Variants in GFOD1 observed in about 807,000 individuals in gnomAD.
GFOD1 encodes Gfo/Idh/MocA-like oxidoreductase domain containing 1, also known as glucose-fructose oxidoreductase domain-containing protein 1.
Under a neutral mutation model 25.4 loss-of-function variants are expected in GFOD1, and 9 were observed. That is an observed-to-expected ratio of 0.35 (90% CI 0.21 to 0.62). The LOEUF is 0.62. Among genes scored for constraint, GFOD1 ranks in the 20% least tolerant of loss-of-function variants. The probability of loss-of-function intolerance (pLI) is 0.72; values close to 1 mark genes in which losing one functional copy is unlikely to be tolerated. For synonymous variants in GFOD1, 253 were observed against 245.6 expected (o/e 1.03, Z -0.28); for missense variants, 403 against 556.9 (o/e 0.72, Z 2.78).
At chr6:13,476,898 G>C (rs902387508) in intron 1 of GFOD1, among the ~76,000 whole-genome samples, 2 of 152,114 alleles carry the variant, frequency 1.3e-5, no homozygotes, top group East Asian at 3.8e-4. Flanking sequence ...ACCTGTAGAC[G>C]GGTATAGAAT....
chr6:13,373,084 T>A (rs1163249552), intron 1 of GFOD1, among the ~76,000 whole-genome samples: 2 of 152,236 alleles, frequency 1.3e-5, no homozygotes, highest in East Asian at 1.9e-4. Context: ...CTTCAACATT[T>A]CTGTGCTAGG....
chr6:13,416,311 GGACTAATACAGGGA>G (rs1461321025), intron 1 of GFOD1, among the ~76,000 whole-genome samples: 1 of 152,158 alleles, frequency 6.6e-6, no homozygotes, highest in Non-Finnish European at 1.5e-5. Context: ...GTGTGAAAAT[GGACTAATACAGGGA>G]GACAGCCAGA....
At chr6:13,415,823 TG>T (rs1420486885) in intron 1 of GFOD1, among the ~76,000 whole-genome samples, 3 of 152,234 alleles carry the variant, frequency 2.0e-5, no homozygotes, top group African/African-American at 7.2e-5. Flanking sequence ...TGGTGACTGG[TG>T]TCTAGTTTTC....
Position 13,384,172 on chromosome 6 carries a change from G to A in GFOD1, c.254-18510C>T, listed in dbSNP as rs543422416. On this transcript the variant is annotated intron_variant, in intron 1 of 1. Transcript: ENST00000379287. ...AACCCGGGGATGGAGGTTGCAGTGA[G>A]CCGAGATCACGCCACTTCACTCCAG... Among the ~76,000 whole-genome samples the A allele has an allele frequency of 2.5e-4, 38 of 152,304 alleles. 1 individual carries two copies. Among genetic ancestry groups the A allele is most frequent in the African/African-American group, 7.5e-4 (31 of 41,560 alleles).
chr6:13,417,500 T>G (rs1383773676), intron 1 of GFOD1, among the ~76,000 whole-genome samples: 1 of 152,194 alleles, frequency 6.6e-6, no homozygotes, highest in African/African-American at 2.4e-5. Flanking sequence ...AACCTGACAA[T>G]TGCTAAATGA....
At chr6:13,420,198 G>T (rs1337219150) in intron 1 of GFOD1, among the ~76,000 whole-genome samples, 1 of 152,186 alleles carries the variant, frequency 6.6e-6, no homozygotes, top group Non-Finnish European at 1.5e-5. Flanking sequence ...AAGCCAGTGG[G>T]CCCTCTAGTT....
intron 1 of GFOD1, among the ~76,000 whole-genome samples, chr6:13,484,471 G>T (rs1758821696): frequency 6.6e-6 from 1 of 152,000 alleles, no homozygotes; most frequent in Admixed American, 6.6e-5. Context: ...CACTCGCAGG[G>T]GCACCCTGCA....
intron 1 of GFOD1, among the ~76,000 whole-genome samples, chr6:13,408,676 C>A (rs193218350): frequency 7.2e-5 from 11 of 152,146 alleles, no homozygotes; most frequent in African/African-American, 7.2e-5. Context: ...TCTGTGCTCA[C>A]CCGGGTAACA....
In GFOD1 at chr6:13,433,908, G is replaced by A. The variant is rs568892685; in HGVS notation, c.253+52730C>T. On this transcript the variant is annotated intron_variant, in intron 1 of 1. Coordinates refer to ENST00000379287, the MANE Select transcript of GFOD1 (RefSeq NM_018988.4). ...ATCACCTGTTCCAGTTCCCAAAGGC[G>A]CTTATCTGCAGACTATCGTCTCAAC... Among the ~76,000 whole-genome samples the A allele has an allele frequency of 3.0e-4, 45 of 152,306 alleles. No homozygotes were observed. In the South Asian group the frequency reaches 7.3e-3, roughly 25 times the overall value.
chr6:13,409,353 GAGAA>G (rs1305443582), intron 1 of GFOD1, among the ~76,000 whole-genome samples: 1 of 117,242 alleles, frequency 8.5e-6, no homozygotes, highest in Non-Finnish European at 1.8e-5. Context: ...GAGAGAAAGA[GAGAA>G]AGAGACAGAG....
chr6:13,412,360 T>C (rs1218498164), intron 1 of GFOD1, among the ~76,000 whole-genome samples: 1 of 152,158 alleles, frequency 6.6e-6, no homozygotes, highest in African/African-American at 2.4e-5. Flanking sequence ...AGACACCACC[T>C]ACAAGGCAAC....
intron 1 of GFOD1, among the ~76,000 whole-genome samples, chr6:13,475,706 A>T (rs1758607062): frequency 6.7e-6 from 1 of 148,772 alleles, no homozygotes; most frequent in African/African-American, 2.5e-5. Flanking sequence ...TGACAGTGCA[A>T]GACTCCATCT....
rs943418611 is a variant in GFOD1 at position 13,397,418 on chromosome 6, G to A, written c.254-31756C>T. Among the ~76,000 whole-genome samples, 7 of 152,322 alleles carry A rather than the reference G, an allele frequency of 4.6e-5. No individual in the cohort carries two copies. In the South Asian group the frequency reaches 6.2e-4, roughly 14 times the overall value. On this transcript the variant is annotated intron_variant, in intron 1 of 1. Transcript: ENST00000379287. ...CCCTTGTCTCTCCATCTGAGGACTC[G>A]GGCCTGCCGTGAGAAAGTGATCTGC...
At chr6:13,463,408 G>A (rs548094768) in intron 1 of GFOD1, among the ~76,000 whole-genome samples, 1 of 152,206 alleles carries the variant, frequency 6.6e-6, no homozygotes, top group Non-Finnish European at 1.5e-5. Context: ...ATTCACACTG[G>A]CCTCAGTTCA....
chr6:13,365,480 A>T lies in GFOD1; in HGVS notation c.436T>A (p.Cys146Ser). The change falls in exon 2 of 2, where the codon TGT becomes AGT. Residue 146 changes from cysteine to serine, a missense_variant. Physicochemically the swap from Cys to Ser is moderately radical, Grantham distance 112. Transcript: ENST00000379287. The surrounding 1 kb of genome is among the most constrained non-coding windows in gnomAD (Gnocchi z 9.2). The part of the protein sequence containing the change: ...EEGYVGEPLV[C>S]EVQVHGGSLL... ...CTGCCGCCGTGCACCTGCACCTCAC[A>T]CACCAGCGGCTCGCCCACGTAGCCC... 5 of 1,613,668 alleles carry T rather than the reference A, an allele frequency of 3.1e-6. No homozygotes were observed. The highest frequency in any genetic ancestry group is 4.2e-6 in the Non-Finnish European group (5 of 1,180,002).
rs1186075531 is a variant in GFOD1 at position 13,408,780 on chromosome 6, G to A, written c.254-43118C>T. Among the ~76,000 whole-genome samples the A allele has an allele frequency of 2.0e-5, 3 of 152,076 alleles. No individual in the cohort carries two copies. In the East Asian group the frequency reaches 5.8e-4, roughly 29 times the overall value. On this transcript the variant is annotated intron_variant, in intron 1 of 1. Transcript: ENST00000379287. ...CTCCATTGTTTTTAGAAAAATGACA[G>A]TTCATTTTCTAAAAATTAACACAGG...
At chr6:13,480,254 A>C (rs1758717969) in intron 1 of GFOD1, among the ~76,000 whole-genome samples, 1 of 152,186 alleles carries the variant, frequency 6.6e-6, no homozygotes, top group African/African-American at 2.4e-5. Flanking sequence ...AGAGCCTTGC[A>C]CTCCCATGGA....
chr6:13,467,634 C>A (rs1395471115), intron 1 of GFOD1, among the ~76,000 whole-genome samples: 1 of 152,202 alleles, frequency 6.6e-6, no homozygotes, highest in East Asian at 1.9e-4. Flanking sequence ...GGCGCATTTT[C>A]TTTGGAAGGC....
chr6:13,438,775 C>T (rs545968186), intron 1 of GFOD1, among the ~76,000 whole-genome samples: 1 of 152,046 alleles, frequency 6.6e-6, no homozygotes, highest in African/African-American at 2.4e-5. Context: ...AAGTCCATAC[C>T]CCAGCCCAGT....
Sources: gnomAD v4.1 joint callset for allele counts (sites outside exome capture counted in the v4.1 genomes callset) on GRCh38, gnomAD v4.1.1 for gene constraint, Gnocchi (gnomAD v3.1) non-coding constraint, MANE v1.5 for transcripts, NCBI Gene and HGNC (gene_info 2026-07-23, HGNC 2026-07-21) for gene names.